BMPR2: variants seen among roughly 807,000 people sequenced by gnomAD.
BMPR2 encodes the protein bone morphogenetic protein receptor type-2.
Under a neutral mutation model 100.8 loss-of-function variants are expected in BMPR2, and 29 were observed. The observed-to-expected ratio is 0.29, with a 90% confidence interval of 0.21 to 0.39. BMPR2 has a LOEUF of 0.39. Ranked by LOEUF, BMPR2 falls within the 10% of genes least tolerant of loss-of-function variation. BMPR2 has a pLI of 1.00. For synonymous variants in BMPR2, 382 were observed against 442.3 expected (o/e 0.86, Z 1.71); for missense variants, 1,011 against 1,274.5 (o/e 0.79, Z 3.15).
chr2:202,477,972 C>T, intron 3 of BMPR2, among the ~76,000 whole-genome samples: 1 of 152,088 alleles, frequency 6.6e-6, no homozygotes, highest in Admixed American at 6.6e-5. Context: ...GTATTTGTAA[C>T]CCCAAAACCA....
At chr2:202,462,738 G>A (rs1692248590) in intron 1 of BMPR2, among the ~76,000 whole-genome samples, 2 of 150,678 alleles carry the variant, frequency 1.3e-5, no homozygotes, top group South Asian at 4.2e-4. Flanking sequence ...TTGAGATGGA[G>A]CTTTGCTCTT....
intron 7 of BMPR2, among the ~76,000 whole-genome samples, chr2:202,528,667 A>G (rs1207504981): frequency 1.3e-5 from 2 of 152,212 alleles, no homozygotes; most frequent in Non-Finnish European, 2.9e-5. Flanking sequence ...CATCCAATAC[A>G]AAGTCTACTT....
rs536896758 is a variant in BMPR2, at chr2:202,540,781, AT to A, written c.1277-1529del. On this transcript the variant is annotated intron_variant, in intron 9 of 12. Coordinates refer to ENST00000374580, the MANE Select transcript of BMPR2 (RefSeq NM_001204.7). ...GAAGTCTGAAACACAGAATAGTTAA[AT>A]GACTTTTCCAAGGTCAAGATGAAGT... Among the ~76,000 whole-genome samples, 20 of 152,328 alleles carry A rather than the reference AT, an allele frequency of 1.3e-4. 1 individual carries two copies. In the South Asian group the frequency reaches 4.1e-3, roughly 32 times the overall value.
In BMPR2 at chr2:202,556,080, C is replaced by T; in HGVS notation, c.2415C>T (p.Thr805=). 1 of 1,614,164 alleles carries T rather than the reference C, an allele frequency of 6.2e-7. No homozygotes were observed. The highest frequency in any genetic ancestry group is 8.5e-7 in the Non-Finnish European group (1 of 1,180,044). The change falls in exon 12 of 13, where the codon ACC becomes ACT. Residue 805 remains threonine (T), a synonymous_variant. Coordinates refer to ENST00000374580, the MANE Select transcript of BMPR2 (RefSeq NM_001204.7). The part of the protein sequence containing the change: ...NAAEPHVVTV[T]MNGVAGRNHS... ...CAGAACCTCATGTGGTGACAGTCACCATGAATGGTGTGGCAGGTAGAAACC... is the reference window on the plus strand; with the variant it reads ...CAGAACCTCATGTGGTGACAGTCACTATGAATGGTGTGGCAGGTAGAAACC...
chr2:202,524,712 C>T (rs1219529497), intron 7 of BMPR2, among the ~76,000 whole-genome samples: 2 of 152,128 alleles, frequency 1.3e-5, no homozygotes, highest in Admixed American at 1.3e-4. Context: ...CACTGCACTC[C>T]AGCCTGGGCA....
At chr2:202,550,344 G>A (rs1688454796) in intron 10 of BMPR2, among the ~76,000 whole-genome samples, 1 of 146,924 alleles carries the variant, frequency 6.8e-6, no homozygotes, top group Admixed American at 6.9e-5. Context: ...TTGCACTGCA[G>A]CCTGGGCGAC....
chr2:202,508,213 C>T (rs527701507), intron 3 of BMPR2, among the ~76,000 whole-genome samples: 3 of 151,756 alleles, frequency 2.0e-5, no homozygotes, highest in South Asian at 2.1e-4. Context: ...CTGCCTCAGC[C>T]TCCTGAATAG....
At chr2:202,536,130 A>G (rs1261793610) in intron 9 of BMPR2, among the ~76,000 whole-genome samples, 1 of 151,966 alleles carries the variant, frequency 6.6e-6, no homozygotes, top group Non-Finnish European at 1.5e-5. Context: ...AATTTTTTTA[A>G]GAGACAGAGC....
intron 10 of BMPR2, 60 bp downstream of exon 10, chr2:202,542,507 T>C: frequency 1.3e-6 from 2 of 1,584,840 alleles, no homozygotes; most frequent in Non-Finnish European, 1.7e-6. Context: ...TTAATGTTGT[T>C]TGAAACAAAA....
intron 1 of BMPR2, among the ~76,000 whole-genome samples, chr2:202,382,313 C>T (rs1300434524): frequency 6.6e-6 from 1 of 152,146 alleles, no homozygotes; most frequent in African/African-American, 2.4e-5. Context: ...CTGCCCTGGC[C>T]TCCCAAAGTG....
At position 202,563,447 on chromosome 2, in the gene BMPR2, T is replaced by A. The variant is rs1365272328; in HGVS notation, c.*3501T>A. 1.3e-5 allele frequency: 2 copies of A among 151,784 alleles called. No homozygotes were observed. The highest frequency in any genetic ancestry group is 2.9e-5 in the Non-Finnish European group (2 of 67,942). The allele number at this position is 151,784 out of a possible 1,614,324, so 9.4% of individuals were successfully genotyped here. The stretch of plus-strand genomic sequence containing the variant: ...GCAAGACTGCCTCAAAAAAAAAACA[T>A]AAAAATTCAGTCACTATACTCTGGC... On this transcript the variant is annotated 3_prime_UTR_variant, in exon 13 of 13. Coordinates refer to ENST00000374580, the MANE Select transcript of BMPR2 (RefSeq NM_001204.7).
rs1559073178 is a variant in BMPR2, at chr2:202,552,814, T to TA, written c.1513dup (p.Met505AsnfsTer24). On this transcript the variant is annotated frameshift_variant, in exon 11 of 13. Transcript: ENST00000374580. LOFTEE classifies it high-confidence loss of function. ...GTGCTGAGGAAAGGATGGCTGAACT[T>TA]ATGATGATTTGGGAAAGAAACAAAT... 3 of 1,614,164 alleles carry TA rather than the reference T, an allele frequency of 1.9e-6. No homozygotes were observed. The highest frequency in any genetic ancestry group is 2.5e-6 in the Non-Finnish European group (3 of 1,180,024).
At chr2:202,480,675 C>T (rs551866551) in intron 3 of BMPR2, among the ~76,000 whole-genome samples, 12 of 151,658 alleles carry the variant, frequency 7.9e-5, no homozygotes, top group Admixed American at 3.3e-4. Flanking sequence ...ATTGACAGGC[C>T]GGGCACGGTG....
chr2:202,534,841 C>A (rs1301839897), intron 9 of BMPR2, among the ~76,000 whole-genome samples: 1 of 149,668 alleles, frequency 6.7e-6, no homozygotes, highest in Admixed American at 6.6e-5. Flanking sequence ...GGGCGGCTGG[C>A]CAGGCGGGGG....
chr2:202,428,574 A>G (rs1366117072), intron 1 of BMPR2, among the ~76,000 whole-genome samples: 1 of 152,054 alleles, frequency 6.6e-6, no homozygotes, highest in South Asian at 2.1e-4. Context: ...TAATTTTAAA[A>G]AAGTTTTTTT....
intron 11 of BMPR2, 37 bp from the exon 12 acceptor site, chr2:202,555,215 T>C (rs745449134): frequency 1.3e-6 from 2 of 1,560,024 alleles, no homozygotes; most frequent in Non-Finnish European, 1.8e-6. Flanking sequence ...GTCATAAATG[T>C]ACGTTCTCAA....
chr2:202,539,245 T>A (rs1432460422), intron 9 of BMPR2, among the ~76,000 whole-genome samples: 2 of 152,108 alleles, frequency 1.3e-5, no homozygotes, highest in South Asian at 4.1e-4. Context: ...TGGCAATAGA[T>A]GTAATTGAAA....
chr2:202,542,188 G>A (rs1413655061), intron 9 of BMPR2, 123 bp from the exon 10 acceptor site: 18 of 1,177,462 alleles, frequency 1.5e-5, no homozygotes, highest in Admixed American at 4.2e-5. Flanking sequence ...TGAAGGGGAT[G>A]AAAAAATAAA....
At chr2:202,470,413 T>C (rs1692412314) in intron 3 of BMPR2, among the ~76,000 whole-genome samples, 1 of 152,014 alleles carries the variant, frequency 6.6e-6, no homozygotes, top group African/African-American at 2.4e-5. Context: ...TGGAGCAGGA[T>C]AGATACAAGA....
Sources: allele counts gnomAD v4.1 joint callset (sites outside exome capture counted in the v4.1 genomes callset), GRCh38; gene constraint gnomAD v4.1.1; transcripts MANE v1.5; gene names NCBI Gene and HGNC (gene_info 2026-07-23, HGNC 2026-07-21).